PRPS1: variants seen among roughly 807,000 people sequenced by gnomAD.
PRPS1 encodes ribose-phosphate pyrophosphokinase 1.
PRPS1 carries 1 observed loss-of-function variant against 16.9 expected under a neutral mutation model. That is an observed-to-expected ratio of 0.06 (90% confidence interval 0.02 to 0.28). The LOEUF is 0.28. Among genes scored for constraint, PRPS1 ranks in the 10% least tolerant of loss-of-function variants. The pLI is 1.00. For synonymous variants in PRPS1, 70 were observed against 90.2 expected, an observed-to-expected ratio of 0.78 and a Z score of 1.27; for missense variants, 47 against 254.0, an observed-to-expected ratio of 0.19 and a Z score of 5.54.
chrX:107,635,076 C>T (rs911222163), intron 1 of PRPS1, among the ~76,000 whole-genome samples: 2 of 111,109 alleles, frequency 1.8e-5, no homozygotes, highest in South Asian at 3.7e-4. Context: ...CACCTGACCT[C>T]GTGATCCGCC....
At chrX:107,642,638 T>C (rs1925600254) in intron 4 of PRPS1, 148 bp downstream of exon 4, 4 of 701,032 alleles carry the variant, frequency 5.7e-6, no homozygotes, top group Non-Finnish European at 8.6e-6. Flanking sequence ...AATATAGTTT[T>C]ACCCTTTCCT....
At chrX:107,631,578 G>A (rs1488758970) in intron 1 of PRPS1, among the ~76,000 whole-genome samples, 1 of 112,109 alleles carries the variant, frequency 8.9e-6, no homozygotes, top group African/African-American at 3.2e-5. Flanking sequence ...TAATTATTAA[G>A]TTAAAGGGTA....
Position 107,650,150 on chromosome X carries a change from C to T in PRPS1, c.*118C>T. On this transcript the variant is annotated 3_prime_UTR_variant, in exon 7 of 7. Coordinates refer to ENST00000372435, the MANE Select transcript of PRPS1 (RefSeq NM_002764.4). ...TGCTCCAGTGTAGCTTTCTACATCC[C>T]ACATCAGGTATATTAGAGCTTATCC... 5 of 1,156,983 alleles carry T rather than the reference C, an allele frequency of 4.3e-6. No individual in the cohort carries two copies. The highest frequency in any genetic ancestry group is 2.4e-5 in the Admixed American group (1 of 41,990).
chrX:107,643,427 T>A (rs1925621528), intron 4 of PRPS1, among the ~76,000 whole-genome samples: 1 of 112,288 alleles, frequency 8.9e-6, no homozygotes, highest in Non-Finnish European at 1.9e-5. Context: ...ATAGTCACAT[T>A]TGAAATAGGC....
At chrX:107,629,354 T>A (rs1180113636) in intron 1 of PRPS1, among the ~76,000 whole-genome samples, 1 of 111,592 alleles carries the variant, frequency 9.0e-6, no homozygotes, top group African/African-American at 3.3e-5. Context: ...TCTACCTGAG[T>A]AATTGGAGCC....
At chrX:107,631,712 C>T (rs776561387) in intron 1 of PRPS1, among the ~76,000 whole-genome samples, 2 of 111,676 alleles carry the variant, frequency 1.8e-5, no homozygotes, top group Non-Finnish European at 3.8e-5. Context: ...TTTTTTGAGA[C>T]GGAGTTTCAC....
chrX:107,649,027 G>A (rs1048715221), intron 6 of PRPS1, among the ~76,000 whole-genome samples: 2 of 111,649 alleles, frequency 1.8e-5, no homozygotes, highest in African/African-American at 6.5e-5. Flanking sequence ...CCAAACTGCT[G>A]GGATTACAGG....
At chrX:107,629,972 T>G (rs1455361638) in intron 1 of PRPS1, 1 of 112,697 alleles carries the variant, frequency 8.9e-6, no homozygotes, top group African/African-American at 3.2e-5. Flanking sequence ...CTTTTTTGCT[T>G]TCTTTGGACT....
intron 6 of PRPS1, among the ~76,000 whole-genome samples, chrX:107,648,545 A>G (rs995241600): frequency 1.8e-4 from 19 of 108,248 alleles, no homozygotes; most frequent in African/African-American, 6.4e-4. Flanking sequence ...CAGCCTCCCA[A>G]GTGGCTGGCG....
intron 6 of PRPS1, among the ~76,000 whole-genome samples, chrX:107,647,982 TAA>T (rs913846601): frequency 1.8e-5 from 2 of 111,704 alleles, no homozygotes; most frequent in Admixed American, 9.6e-5. Context: ...ATCACCTGTT[TAA>T]AAGTTTAAAT....
At chrX:107,634,989 G>A (rs1480313859) in intron 1 of PRPS1, among the ~76,000 whole-genome samples, 2 of 109,678 alleles carry the variant, frequency 1.8e-5, no homozygotes, top group Admixed American at 9.8e-5. Flanking sequence ...ACAGGCGCCC[G>A]CCACCACACC....
intron 1 of PRPS1, 47 bp downstream of exon 1, chrX:107,628,797 G>T: frequency 8.3e-7 from 1 of 1,209,166 alleles, no homozygotes; most frequent in Non-Finnish European, 1.1e-6. Context: ...TGCCCAGGCG[G>T]CAGAGTATAG....
intron 1 of PRPS1, among the ~76,000 whole-genome samples, chrX:107,630,380 T>A (rs946244223): frequency 8.9e-6 from 1 of 112,210 alleles, no homozygotes; most frequent in African/African-American, 3.2e-5. Context: ...TTCTGCCCTC[T>A]GCATAATGCA....
intron 3 of PRPS1, among the ~76,000 whole-genome samples, chrX:107,641,793 G>A (rs1400011995): frequency 3.6e-5 from 4 of 112,052 alleles, no homozygotes; most frequent in African/African-American, 1.3e-4. Flanking sequence ...TCAAGCTTGT[G>A]GGAATTCAAT....
At chrX:107,632,432 A>G (rs1925327195) in intron 1 of PRPS1, among the ~76,000 whole-genome samples, 1 of 112,233 alleles carries the variant, frequency 8.9e-6, no homozygotes, top group Non-Finnish European at 1.9e-5. Context: ...TCTTAAGACT[A>G]CTATCCACCT....
chrX:107,642,244 C>A, intron 3 of PRPS1, 122 bp from the exon 4 acceptor site: 1 of 1,009,967 alleles, frequency 9.9e-7, no homozygotes, highest in Non-Finnish European at 1.4e-6. Flanking sequence ...ACTGGGCCTG[C>A]CTTCCCATCA....
At chrX:107,641,102 A>T (rs766195011) in intron 3 of PRPS1, 102 bp downstream of exon 3, 43 of 1,199,879 alleles carry the variant, frequency 3.6e-5, no homozygotes, top group Non-Finnish European at 4.6e-5. Context: ...AGTACATCTG[A>T]AATAAACTAG....
chrX:107,633,092 T>C (rs1197258295), intron 1 of PRPS1, among the ~76,000 whole-genome samples: 1 of 111,721 alleles, frequency 9.0e-6, no homozygotes, highest in Non-Finnish European at 1.9e-5. Flanking sequence ...ACATGCCTTA[T>C]AACAAACACC....
At chrX:107,639,983 G>T (rs933862328) in intron 2 of PRPS1, among the ~76,000 whole-genome samples, 2 of 112,709 alleles carry the variant, frequency 1.8e-5, no homozygotes, top group African/African-American at 6.4e-5. Flanking sequence ...TGTAATTAAT[G>T]CCCAATTTTA....
Sources: gnomAD v4.1 joint callset for allele counts (sites outside exome capture counted in the v4.1 genomes callset) on GRCh38, gnomAD v4.1.1 for gene constraint, MANE v1.5 for transcripts, NCBI Gene and HGNC (gene_info 2026-07-23, HGNC 2026-07-21) for gene names.